Variants in NOX4 observed in about 807,000 individuals in gnomAD.
NOX4 encodes the protein NADPH oxidase 4, also known as kidney oxidase-1.
A neutral mutation model predicts 87.6 loss-of-function variants in NOX4; 69 were observed. The observed-to-expected ratio is 0.79, with a 90% CI of 0.65 to 0.96. The LOEUF is 0.96. Ranked by LOEUF, NOX4 falls within the 40% of genes least tolerant of loss-of-function variation. The pLI, the probability that NOX4 is intolerant of heterozygous loss-of-function variation, is 0.00. For synonymous variants in NOX4, 275 were observed against 238.2 expected (o/e 1.15, Z -1.42); for missense variants, 680 against 681.5 (o/e 1.00, Z 0.02).
At chr11:89,440,319 T>G (rs71469266) in intron 6 of NOX4, among the ~76,000 whole-genome samples, 4,832 of 152,040 alleles carry the variant, frequency 0.032, 276 homozygotes, top group African/African-American at 0.11. Flanking sequence ...ATTTTATTTA[T>G]TTTTATTTTT....
intron 12 of NOX4, among the ~76,000 whole-genome samples, chr11:89,373,035 G>A (rs767078540): frequency 1.6e-4 from 25 of 151,706 alleles, no homozygotes; most frequent in Non-Finnish European, 2.8e-4. Flanking sequence ...CACAAAAAAT[G>A]TCATGCAAGA....
chr11:89,406,796 T>A (rs57123437), intron 8 of NOX4, among the ~76,000 whole-genome samples: 1 of 152,026 alleles, frequency 6.6e-6, no homozygotes, highest in African/African-American at 2.4e-5. Context: ...AAATCAAACA[T>A]AGAACCAAAA....
intron 13 of NOX4, among the ~76,000 whole-genome samples, chr11:89,351,926 AC>A (rs1229110549): frequency 2.0e-5 from 3 of 152,202 alleles, no homozygotes; most frequent in African/African-American, 7.2e-5. Context: ...CTGTTCAGGA[AC>A]AAAAAAGAAC....
rs543301517 is a variant in NOX4, at chr11:89,400,383, A to T, written c.847-4T>A. 43 of 1,561,222 alleles carry T rather than the reference A, an allele frequency of 2.8e-5. No homozygotes were observed. The African/African-American group carries it at 3.1e-4, about 11-fold the overall frequency. ...GTCCAGAAATCCAAAGCCAAGTCTA[A>T]GACAAATTTTTGAAAATATACTTCA... On this transcript the variant is annotated splice_region_variant and splice_polypyrimidine_tract_variant and intron_variant, in intron 9 of 17. Coordinates refer to ENST00000263317, the MANE Select transcript of NOX4 (RefSeq NM_016931.5).
chr11:89,556,729 A>G, the NOX4 span: 1 of 152,158 alleles, frequency 6.6e-6, no homozygotes, highest in East Asian at 1.9e-4. Context: ...AGGATTAACC[A>G]TAGAGATATA....
At chr11:89,474,991 G>A (rs1218095739) in intron 2 of NOX4, among the ~76,000 whole-genome samples, 4 of 151,870 alleles carry the variant, frequency 2.6e-5, no homozygotes, top group African/African-American at 9.6e-5. Context: ...AATAACAGAA[G>A]CCAACTGCAT....
chr11:89,408,339 G>A (rs1469917598), intron 8 of NOX4, among the ~76,000 whole-genome samples: 1 of 152,122 alleles, frequency 6.6e-6, no homozygotes, highest in Non-Finnish European at 1.5e-5. Context: ...ACAGATATTC[G>A]ACCTCATTTT....
At chr11:89,551,757 CCT>C in the NOX4 span, among the ~76,000 whole-genome samples, 1,077 of 152,076 alleles carry the variant, frequency 7.1e-3, 15 homozygotes, top group African/African-American at 0.024. Context: ...AATTTGATTT[CCT>C]CTCTTCCTGT....
chr11:89,349,164 G>A lies in NOX4; in HGVS notation c.1217+5798C>T, dbSNP rs1946341780. Among the ~76,000 whole-genome samples, 9 of 152,118 alleles carry A rather than the reference G, an allele frequency of 5.9e-5. No homozygotes were observed. In the South Asian group the frequency reaches 1.9e-3, roughly 32 times the overall value. On this transcript the variant is annotated intron_variant, in intron 13 of 17. Coordinates refer to ENST00000263317, the MANE Select transcript of NOX4 (RefSeq NM_016931.5). ...TAGCCCGGCATGGTGGCGAGCACCT[G>A]TAAACCCTTCTACTCAGGAGGCTGA...
chr11:89,512,192 G>C, the NOX4 span, among the ~76,000 whole-genome samples: 1 of 151,940 alleles, frequency 6.6e-6, no homozygotes, highest in African/African-American at 2.4e-5. Context: ...AAACGCCCAT[G>C]GAACTACGAA....
At chr11:89,585,849 T>C in the NOX4 span, among the ~76,000 whole-genome samples, 2 of 152,316 alleles carry the variant, frequency 1.3e-5, no homozygotes, top group East Asian at 3.9e-4. Context: ...TTTTAAAGAA[T>C]CTGCTGACTG....
rs896744580 is a variant in NOX4 at position 89,392,912 on chromosome 11, C to T, written c.1074+7105G>A. Reference sequence around the variant, plus strand: ...TTAGCAGAATCCTCATAACAGAGACCATTTGGAAGTGAGCTGTTCTCACTG... The same window carrying T: ...TTAGCAGAATCCTCATAACAGAGACTATTTGGAAGTGAGCTGTTCTCACTG... On this transcript the variant is annotated intron_variant, in intron 11 of 17. Coordinates refer to ENST00000263317, the MANE Select transcript of NOX4 (RefSeq NM_016931.5). Among the ~76,000 whole-genome samples, 6 of 151,988 alleles carry T rather than the reference C, an allele frequency of 3.9e-5. No homozygotes were observed. In the East Asian group the frequency reaches 9.7e-4, roughly 25 times the overall value.
chr11:89,371,317 C>T (rs1939427793), intron 12 of NOX4, among the ~76,000 whole-genome samples: 1 of 151,868 alleles, frequency 6.6e-6, no homozygotes, highest in Non-Finnish European at 1.5e-5. Context: ...AAGCATCTGA[C>T]TAGAACTGAA....
At chr11:89,464,948 T>C (rs1190239426) in intron 2 of NOX4, among the ~76,000 whole-genome samples, 1 of 152,160 alleles carries the variant, frequency 6.6e-6, no homozygotes, top group Non-Finnish European at 1.5e-5. Flanking sequence ...GATGAAGTCA[T>C]GAGAATGGAG....
chr11:89,576,325 T>C, the NOX4 span, among the ~76,000 whole-genome samples: 8 of 152,196 alleles, frequency 5.3e-5, no homozygotes, highest in Non-Finnish European at 8.8e-5. Flanking sequence ...GTCCCTGGGG[T>C]ACAAATATAG....
At chr11:89,515,493 T>G in the NOX4 span, among the ~76,000 whole-genome samples, 1 of 151,936 alleles carries the variant, frequency 6.6e-6, no homozygotes, top group African/African-American at 2.4e-5. Context: ...AATACATGCA[T>G]AACAAATTTT....
chr11:89,344,129 ATAT>A (rs529715296), intron 13 of NOX4, among the ~76,000 whole-genome samples: 4 of 149,876 alleles, frequency 2.7e-5, no homozygotes, highest in Admixed American at 2.0e-4. Flanking sequence ...AATATAATAA[ATAT>A]TATATTATTA....
At chr11:89,440,664 A>G in intron 6 of NOX4, 24 bp downstream of exon 6, 2 of 1,520,278 alleles carry the variant, frequency 1.3e-6, no homozygotes, top group Non-Finnish European at 1.8e-6. Flanking sequence ...AAACCTAAAG[A>G]AAAGGCTAAG....
intron 13 of NOX4, among the ~76,000 whole-genome samples, chr11:89,354,058 G>C (rs1937788724): frequency 6.6e-6 from 1 of 152,128 alleles, no homozygotes; most frequent in Non-Finnish European, 1.5e-5. Context: ...AAGTATTAGA[G>C]GGAAAATAAT....
Sources: allele counts gnomAD v4.1 joint callset (sites outside exome capture counted in the v4.1 genomes callset), GRCh38; gene constraint gnomAD v4.1.1; transcripts MANE v1.5; gene names NCBI Gene and HGNC (gene_info 2026-07-23, HGNC 2026-07-21).